Variants in FOCAD observed in about 807,000 individuals in gnomAD.
The protein encoded by FOCAD is KIAA1797.
In FOCAD, 198 loss-of-function variants were observed where a neutral mutation model predicts 225.6. The observed-to-expected ratio is 0.88, with a 90% CI of 0.78 to 0.99. The LOEUF (loss-of-function observed/expected upper bound fraction) is 0.99, where lower values mean the gene tolerates loss of function less well. Ranked by LOEUF, FOCAD falls within the 50% of genes least tolerant of loss-of-function variation. FOCAD has a pLI of 0.00. For synonymous variants in FOCAD, 897 were observed against 755.0 expected (o/e 1.19, Z -3.08); for missense variants, 2,713 against 2,123.6 (o/e 1.28, Z -5.46).
At chr9:20,854,627 A>C (rs1479083262) in intron 15 of FOCAD, among the ~76,000 whole-genome samples, 1 of 151,758 alleles carries the variant, frequency 6.6e-6, no homozygotes, top group Non-Finnish European at 1.5e-5. Context: ...GAAATTGGTA[A>C]GATTCTTGCG....
rs199846627 is a variant in FOCAD, at chr9:20,926,272, A to G, written c.2962-29A>G. 323 of 1,270,484 alleles carry G rather than the reference A, an allele frequency of 2.5e-4. 2 individuals carry two copies. In the South Asian group the frequency reaches 3.6e-3, roughly 14 times the overall value. The allele number at this position is 1,270,484 out of a possible 1,614,324, so 78.7% of individuals were successfully genotyped here. ...TATCTTTAGATTTGTTTTCTCTGTA[A>G]TCATTTCATGTTTTTAATTCATCTG... On this transcript the variant is annotated intron_variant, in intron 25 of 43. Coordinates refer to ENST00000338382, the MANE Select transcript of FOCAD (RefSeq NM_001375567.1).
At chr9:20,915,055 A>G (rs1225770196) in intron 23 of FOCAD, among the ~76,000 whole-genome samples, 2 of 152,224 alleles carry the variant, frequency 1.3e-5, no homozygotes, top group Non-Finnish European at 2.9e-5. Context: ...ATTTAAGACA[A>G]GGAAGACTAG....
At chr9:20,815,821 G>A (rs1823673917) in intron 11 of FOCAD, among the ~76,000 whole-genome samples, 1 of 152,020 alleles carries the variant, frequency 6.6e-6, no homozygotes, top group Non-Finnish European at 1.5e-5. Flanking sequence ...TTCAAGATTA[G>A]GAGGATCAAG....
intron 39 of FOCAD, among the ~76,000 whole-genome samples, chr9:20,984,435 A>T (rs1319981310): frequency 1.3e-5 from 2 of 152,238 alleles, no homozygotes; most frequent in Non-Finnish European, 2.9e-5. Flanking sequence ...CATTTTCCTT[A>T]TTAGAAATTT....
At chr9:20,950,250 A>G (rs1837571803) in intron 33 of FOCAD, among the ~76,000 whole-genome samples, 1 of 152,184 alleles carries the variant, frequency 6.6e-6, no homozygotes, top group Non-Finnish European at 1.5e-5. Flanking sequence ...TTGATATTTC[A>G]TCATACTTCT....
At chr9:20,892,841 G>C (rs1831738590) in intron 21 of FOCAD, among the ~76,000 whole-genome samples, 1 of 152,078 alleles carries the variant, frequency 6.6e-6, no homozygotes, top group Non-Finnish European at 1.5e-5. Flanking sequence ...GAAACATTAA[G>C]CAATGGAGCA....
In FOCAD at chr9:20,842,310, G is replaced by T. The variant is rs1437508921; in HGVS notation, c.1920+19195G>T. 2.6e-5 allele frequency among the ~76,000 whole-genome samples: 4 copies of T among 151,832 alleles called. No homozygotes were observed. The South Asian group carries it at 8.3e-4, about 32-fold the overall frequency. ...ACTTTTTTTGTTGACTTTCTGTCTG[G>T]ATAATTGGTCTAATGCTGAAGGTGG... On this transcript the variant is annotated intron_variant, in intron 15 of 43. Transcript: ENST00000338382.
intron 35 of FOCAD, among the ~76,000 whole-genome samples, chr9:20,975,127 C>T (rs190153872): frequency 2.6e-5 from 4 of 152,100 alleles, no homozygotes; most frequent in Admixed American, 1.3e-4. Context: ...TTTCTACTGC[C>T]GATGTTGATC....
intron 1 of FOCAD, among the ~76,000 whole-genome samples, chr9:20,700,323 A>G (rs954367943): frequency 6.6e-6 from 1 of 151,930 alleles, no homozygotes; most frequent in Non-Finnish European, 1.5e-5. Flanking sequence ...ACAAAGACCC[A>G]TTTTCCATCT....
chr9:20,773,638 C>A (rs1042357432), intron 8 of FOCAD, among the ~76,000 whole-genome samples: 5 of 152,184 alleles, frequency 3.3e-5, no homozygotes, highest in African/African-American at 1.2e-4. Flanking sequence ...TACTTCCTTA[C>A]ATTTCTTTAT....
At chr9:20,912,205 T>C (rs886650154) in intron 22 of FOCAD, among the ~76,000 whole-genome samples, 1 of 152,050 alleles carries the variant, frequency 6.6e-6, no homozygotes, top group Admixed American at 6.6e-5. Flanking sequence ...GATAATGTAA[T>C]TGGTGATGGA....
At chr9:20,861,926 C>G (rs1828806719) in intron 15 of FOCAD, among the ~76,000 whole-genome samples, 1 of 152,030 alleles carries the variant, frequency 6.6e-6, no homozygotes, top group South Asian at 2.1e-4. Flanking sequence ...ATGAAGAACA[C>G]TTGGTTTAAG....
intron 43 of FOCAD, among the ~76,000 whole-genome samples, chr9:20,994,648 G>T (rs1841924608): frequency 6.6e-6 from 1 of 152,164 alleles, no homozygotes; most frequent in South Asian, 2.1e-4. Flanking sequence ...TGAAAATCAG[G>T]GCTGTGGTCT....
chr9:20,810,791 G>T (rs889833626), intron 11 of FOCAD, among the ~76,000 whole-genome samples: 4 of 152,038 alleles, frequency 2.6e-5, no homozygotes, highest in Non-Finnish European at 4.4e-5. Context: ...AGGAAGGGTC[G>T]TGGCTATTTT....
intron 5 of FOCAD, among the ~76,000 whole-genome samples, chr9:20,748,162 G>A (rs935753805): frequency 1.3e-5 from 2 of 152,006 alleles, no homozygotes; most frequent in Admixed American, 6.6e-5. Flanking sequence ...ATACAATCAA[G>A]CTGCCATAAG....
chr9:20,827,367 A>G (rs1461288941), intron 15 of FOCAD, among the ~76,000 whole-genome samples: 1 of 152,068 alleles, frequency 6.6e-6, no homozygotes, highest in Non-Finnish European at 1.5e-5. Flanking sequence ...ATGTTACAGC[A>G]TGTCAGTACT....
chr9:20,758,049 C>T, intron 5 of FOCAD, 41 bp from the exon 6 acceptor site: 3 of 1,395,870 alleles, frequency 2.1e-6, no homozygotes, highest in Non-Finnish European at 1.0e-6. Flanking sequence ...AATGTGTAGT[C>T]CTGAATAACA....
At chr9:20,724,735 A>C (rs1403094957) in intron 4 of FOCAD, among the ~76,000 whole-genome samples, 1 of 148,672 alleles carries the variant, frequency 6.7e-6, no homozygotes, top group Non-Finnish European at 1.5e-5. Context: ...TTATGTTTAC[A>C]AAAAAAAAAC....
intron 22 of FOCAD, among the ~76,000 whole-genome samples, chr9:20,908,188 T>C (rs978454268): frequency 1.3e-5 from 2 of 152,084 alleles, no homozygotes; most frequent in African/African-American, 2.4e-5. Flanking sequence ...TTAAGGATAA[T>C]AGGAGAAATC....
Sources: gnomAD v4.1 joint callset for allele counts (sites outside exome capture counted in the v4.1 genomes callset) on GRCh38, gnomAD v4.1.1 for gene constraint, MANE v1.5 for transcripts, NCBI Gene and HGNC (gene_info 2026-07-23, HGNC 2026-07-21) for gene names.